Variants in CD101 observed in about 807,000 individuals in gnomAD.
The protein encoded by CD101 is immunoglobulin superfamily member 2.
Under a neutral mutation model 98.2 loss-of-function variants are expected in CD101, and 76 were observed. The observed-to-expected ratio is 0.77, with a 90% confidence interval of 0.64 to 0.94. The LOEUF is 0.94. CD101 is among the 40% of genes least tolerant of loss of function. The pLI, the probability that CD101 is intolerant of heterozygous loss-of-function variation, is 0.00. For synonymous variants in CD101, 471 were observed against 472.7 expected (o/e 1.00, Z 0.05); for missense variants, 1,145 against 1,218.8 (o/e 0.94, Z 0.90).
chr1:117,025,753 CTT>C lies in CD101; in HGVS notation c.2675_2676del (p.Phe892CysfsTer18), dbSNP rs1370031866. The C allele has an allele frequency of 6.2e-7, 1 of 1,614,170 alleles. No individual in the cohort carries two copies. The highest frequency in any genetic ancestry group is 8.5e-7 in the Non-Finnish European group (1 of 1,180,036). ...LHCYRSSSTD[F>X]VLKLHQVEME... is the part of the protein sequence containing the mutation. ...ACTGTTACCGTTCATCCTCTACAGA[CTT>C]TGTCCTGAAGCTTCATCAGGTGGAG... On this transcript the variant is annotated frameshift_variant, in exon 8 of 10. Transcript: ENST00000682167. LOFTEE classifies it high-confidence loss of function.
chr1:117,008,479 T>C (rs1378085477), intron 1 of CD101, among the ~76,000 whole-genome samples: 1 of 151,980 alleles, frequency 6.6e-6, no homozygotes, highest in Non-Finnish European at 1.5e-5. Context: ...AAAAAAATTA[T>C]TACTAGAAAT....
rs1227634782 is a variant in CD101, at chr1:117,036,144, T to G, written c.*34-24T>G. 2 of 152,286 alleles carry G rather than the reference T, an allele frequency of 1.3e-5. No individual in the cohort carries two copies. Among genetic ancestry groups the G allele is most frequent in the African/African-American group, 2.4e-5 (1 of 41,432 alleles). The allele number at this position is 152,286 out of a possible 1,614,324, so 9.4% of individuals were successfully genotyped here. A position where few individuals can be genotyped will look rare whatever the true frequency, so the allele number is the denominator to read the frequency against. ...CTGGGAAAGCAGACATTTAACCAAC[T>G]TGAGCAATCAGCTTGTTTTACAGCT... On this transcript the variant is annotated intron_variant, in intron 9 of 9. Coordinates refer to ENST00000682167, the MANE Select transcript of CD101 (RefSeq NM_001256106.3). This position sits in a 1 kb window ranked among gnomAD's most constrained non-coding sequence, Gnocchi z 5.0.
intron 1 of CD101, among the ~76,000 whole-genome samples, chr1:117,003,291 C>T (rs1652349513): frequency 6.6e-6 from 1 of 152,226 alleles, no homozygotes; most frequent in African/African-American, 2.4e-5. Flanking sequence ...GAAAAGAATA[C>T]AGCATTCAGC....
chr1:117,014,185 TTGTGTGTGTGTGTGTGTGTGTGTG>T (rs3220776), intron 4 of CD101, among the ~76,000 whole-genome samples: 2 of 141,268 alleles, frequency 1.4e-5, no homozygotes, highest in East Asian at 2.1e-4. Flanking sequence ...CCCTCTGCCT[TTGTGTGTGTGTGTGTGTGTGTGTG>T]TGTGTGTGTG....
intron 8 of CD101, 190 bp downstream of exon 8, chr1:117,026,094 C>A: frequency 1.7e-6 from 1 of 575,854 alleles, no homozygotes; most frequent in Non-Finnish European, 3.0e-6. Flanking sequence ...AAACAAGGTC[C>A]ACATGAGATT....
At position 117,022,710 on chromosome 1, in the gene CD101, A is replaced by G. The variant is rs554622005; in HGVS notation, c.2428+727A>G. Among the ~76,000 whole-genome samples, 1 of 152,204 alleles carries G rather than the reference A, an allele frequency of 6.6e-6. No individual in the cohort carries two copies. The highest frequency in any genetic ancestry group is 1.9e-4 in the East Asian group (1 of 5,178). Reference sequence around the variant, plus strand: ...GATCTAATTTGGTGCTTGAAATACTATTTTCAAGGTAACGCTAAAAAAAAA... The same window carrying G: ...GATCTAATTTGGTGCTTGAAATACTGTTTTCAAGGTAACGCTAAAAAAAAA... On this transcript the variant is annotated intron_variant, in intron 7 of 9. Coordinates refer to ENST00000682167, the MANE Select transcript of CD101 (RefSeq NM_001256106.3). This position sits in a 1 kb window ranked among gnomAD's most constrained non-coding sequence, Gnocchi z 4.8.
In CD101 at chr1:117,025,814, G is replaced by A; in HGVS notation, c.2734G>A (p.Ala912Thr). 6.2e-7 allele frequency: 1 copy of A among 1,614,168 alleles called. No homozygotes were observed. Among genetic ancestry groups the A allele is most frequent in the Non-Finnish European group, 8.5e-7 (1 of 1,180,032 alleles). The change falls in exon 8 of 10, where the codon GCA (alanine) becomes ACA (threonine). Residue 912 changes from alanine to threonine, a missense_variant. By Grantham distance (58) the Ala-to-Thr change is moderately conservative. Coordinates refer to ENST00000682167, the MANE Select transcript of CD101 (RefSeq NM_001256106.3). Reference protein sequence around the residue: ...EDAGMYWCRVAEWQLHGHPSK... With the variant: ...EDAGMYWCRVTEWQLHGHPSK... The stretch of plus-strand genomic sequence containing the variant: ...TGCAGGAATGTACTGGTGTAGGGTG[G>A]CAGAGTGGCAGCTCCATGGACACCC...
rs1271584289 is a variant in CD101 at position 117,019,259 on chromosome 1, C to G, written c.2017+699C>G. On this transcript the variant is annotated intron_variant, in intron 6 of 9. Transcript: ENST00000682167. This position sits in a 1 kb window ranked among gnomAD's most constrained non-coding sequence, Gnocchi z 4.3. ...GGATGAGACACTTAATCTGCTGAAGCCTTAGTTACCTGATCTGTAAATTGT... is the reference window on the plus strand; with the variant it reads ...GGATGAGACACTTAATCTGCTGAAGGCTTAGTTACCTGATCTGTAAATTGT... Among the ~76,000 whole-genome samples, 4 of 152,134 alleles carry G rather than the reference C, an allele frequency of 2.6e-5. No individual in the cohort carries two copies. The highest frequency in any genetic ancestry group is 6.5e-5 in the Admixed American group (1 of 15,276).
intron 3 of CD101, among the ~76,000 whole-genome samples, chr1:117,013,157 A>G (rs13375247): frequency 0.012 from 1,867 of 152,348 alleles, 34 homozygotes; most frequent in African/African-American, 0.043. Flanking sequence ...TTGTGCATAC[A>G]TCTTGCTTAC....
chr1:117,033,805 A>T lies in CD101; in HGVS notation c.2825-55A>T. The T allele has an allele frequency of 4.4e-6, 7 of 1,607,628 alleles. No individual in the cohort carries two copies. Among genetic ancestry groups the T allele is most frequent in the Non-Finnish European group, 6.0e-6 (7 of 1,175,832 alleles). On this transcript the variant is annotated intron_variant, in intron 8 of 9. Coordinates refer to ENST00000682167, the MANE Select transcript of CD101 (RefSeq NM_001256106.3). The surrounding 1 kb of genome is among the most constrained non-coding windows in gnomAD (Gnocchi z 4.8). Reference sequence around the variant, plus strand: ...TAAATCCCAGGAGTGTTTGTAATTGACTAGTACAAATAAGTTGGAGATGAA... The same window carrying T: ...TAAATCCCAGGAGTGTTTGTAATTGTCTAGTACAAATAAGTTGGAGATGAA...
rs145413400 is a variant in CD101, at chr1:117,020,373, G to A, written c.2018-1200G>A. 9.1e-3 allele frequency among the ~76,000 whole-genome samples: 1,379 copies of A among 152,148 alleles called. 25 individuals carry two copies. The highest frequency in any genetic ancestry group is 0.032 in the African/African-American group (1,333 of 41,482). Reference sequence around the variant, plus strand: ...AGCCTGGCCAACATAGTGAAACCCCGTCTCTACTGAAAATGCACAGATTAG... The same window carrying A: ...AGCCTGGCCAACATAGTGAAACCCCATCTCTACTGAAAATGCACAGATTAG... On this transcript the variant is annotated intron_variant, in intron 6 of 9. Transcript: ENST00000682167.
At chr1:117,014,291 G>A (rs1224393162) in intron 4 of CD101, among the ~76,000 whole-genome samples, 3 of 151,306 alleles carry the variant, frequency 2.0e-5, no homozygotes, top group Non-Finnish European at 2.9e-5. Flanking sequence ...ATGAACACCC[G>A]TGTTATCCTA....
In CD101 at chr1:117,025,464, T is replaced by C. The variant is rs559514308; in HGVS notation, c.2429-45T>C. 90 of 1,487,526 alleles carry C rather than the reference T, an allele frequency of 6.1e-5. 1 individual carries two copies. The South Asian group carries it at 1.1e-3, about 19-fold the overall frequency. 92.1% of individuals were successfully genotyped at this position (1,487,526 alleles called of 1,614,324 possible). On this transcript the variant is annotated intron_variant, in intron 7 of 9. Coordinates refer to ENST00000682167, the MANE Select transcript of CD101 (RefSeq NM_001256106.3). The stretch of plus-strand genomic sequence containing the variant: ...AGATTTTTCAGAGGTGGTATCCAAA[T>C]CTGAAAGTCTGCATTCTCTAATTTA...
In CD101 at chr1:117,017,279, C is replaced by A. The variant is rs761621243; in HGVS notation, c.1418C>A (p.Ala473Asp). 1 of 1,614,198 alleles carries A rather than the reference C, an allele frequency of 6.2e-7. No individual in the cohort carries two copies. Among genetic ancestry groups the A allele is most frequent in the Non-Finnish European group, 8.5e-7 (1 of 1,180,040 alleles). The change falls in exon 5 of 10, where the codon GCC becomes GAC. Residue 473 changes from alanine to aspartate, a missense_variant. Physicochemically the swap from Ala to Asp is moderately radical, Grantham distance 126 (BLOSUM62 -2). Transcript: ENST00000682167. The part of the protein sequence containing the change: ...MGQDGIVQLG[A>D]SYGVPSYHGN... ...CAGGATGGCATTGTGCAGCTGGGTG[C>A]CTCCTATGGGGTACCCAGTTACCAT... is the stretch of plus-strand genomic sequence containing the variant.
chr1:117,015,678 C>G (rs1395479245), intron 4 of CD101, among the ~76,000 whole-genome samples: 2 of 152,212 alleles, frequency 1.3e-5, no homozygotes, highest in Non-Finnish European at 2.9e-5. Flanking sequence ...TGAATTACCT[C>G]TGCTTTTGCC....
chr1:117,014,865 T>G lies in CD101; in HGVS notation c.1228+1073T>G, dbSNP rs556458071. On this transcript the variant is annotated intron_variant, in intron 4 of 9. Transcript: ENST00000682167. ...TGGCAGGCCAGGAAGTGTGTTGGTGTTCGTTTTCACACTAAACATTTGGTC... is the reference window on the plus strand; with the variant it reads ...TGGCAGGCCAGGAAGTGTGTTGGTGGTCGTTTTCACACTAAACATTTGGTC... 8.5e-5 allele frequency among the ~76,000 whole-genome samples: 13 copies of G among 152,342 alleles called. No homozygotes were observed. The South Asian group carries it at 2.5e-3, about 29-fold the overall frequency.
At chr1:117,014,306 G>A (rs1463910734) in intron 4 of CD101, among the ~76,000 whole-genome samples, 1 of 151,736 alleles carries the variant, frequency 6.6e-6, no homozygotes, top group East Asian at 1.9e-4. Context: ...ATCCTACCTT[G>A]AGACCCTGCC....
At chr1:117,032,895 G>A (rs552905061) in intron 8 of CD101, 4 of 152,272 alleles carry the variant, frequency 2.6e-5, no homozygotes, top group African/African-American at 4.8e-5. Flanking sequence ...GCTTCCCGGC[G>A]GACTGCAGCT....
intron 4 of CD101, among the ~76,000 whole-genome samples, chr1:117,016,469 T>A (rs1653224709): frequency 6.6e-6 from 1 of 152,142 alleles, no homozygotes; most frequent in Admixed American, 6.5e-5. Flanking sequence ...TCTACCCTAA[T>A]TAATATACTA....
Sources: allele counts gnomAD v4.1 joint callset (sites outside exome capture counted in the v4.1 genomes callset), GRCh38; gene constraint gnomAD v4.1.1; non-coding constraint Gnocchi (gnomAD v3.1); transcripts MANE v1.5; gene names NCBI Gene and HGNC (gene_info 2026-07-23, HGNC 2026-07-21).